The following PDE10A variants were observed in gnomAD, a reference collection of about 807,000 sequenced individuals.
PDE10A encodes cAMP and cAMP-inhibited cGMP 3',5'-cyclic phosphodiesterase 10A.
PDE10A carries 39 observed loss-of-function variants against 97.7 expected under a neutral mutation model. The ratio of observed to expected loss-of-function variants is 0.40; its 90% CI spans 0.31 to 0.52. PDE10A has a LOEUF of 0.52. PDE10A is among the 20% of genes least tolerant of loss of function. PDE10A has a pLI of 0.56. For missense variants in PDE10A, 731 were observed against 1,047.8 expected, an observed-to-expected ratio of 0.70 and a Z score of 4.17; for synonymous variants, 371 against 376.8, an observed-to-expected ratio of 0.98 and a Z score of 0.18.
rs867626425 is a variant in PDE10A at position 165,334,866 on chromosome 6, T to A, written c.3065+1257A>T. ...TAAAATTTTTAATATTGCTTATTGG[T>A]CTTTCCTTGAAAAAAGCAGAAAAAA... On this transcript the variant is annotated intron_variant, in intron 21 of 21. Transcript: ENST00000539869. 3.7e-4 allele frequency among the ~76,000 whole-genome samples: 57 copies of A among 152,240 alleles called. No homozygotes were observed. The Middle Eastern group carries it at 0.017, about 45-fold the overall frequency.
chr6:165,477,560 G>A (rs2128277920), intron 3 of PDE10A, among the ~76,000 whole-genome samples: 1 of 152,292 alleles, frequency 6.6e-6, no homozygotes, highest in African/African-American at 2.4e-5. Context: ...GAAAAATACA[G>A]TAGGTTAAGA....
chr6:165,481,675 T>C (rs141074954), intron 3 of PDE10A, among the ~76,000 whole-genome samples: 282 of 152,336 alleles, frequency 1.9e-3, no homozygotes, highest in African/African-American at 6.4e-3. Context: ...TATAATTTTA[T>C]AGCATAACCA....
chr6:165,597,235 C>T (rs905241420), intron 1 of PDE10A, among the ~76,000 whole-genome samples: 5 of 152,176 alleles, frequency 3.3e-5, no homozygotes, highest in South Asian at 2.1e-4. Flanking sequence ...AGTAGACACC[C>T]GATACCTGTT....
intron 18 of PDE10A, among the ~76,000 whole-genome samples, chr6:165,375,968 G>C (rs1432736444): frequency 6.6e-6 from 1 of 152,154 alleles, no homozygotes; most frequent in African/African-American, 2.4e-5. Flanking sequence ...CATTGACAAT[G>C]AACCAAGTCA....
At chr6:165,885,717 C>T (rs1781613470) in intron 1 of PDE10A, among the ~76,000 whole-genome samples, 1 of 152,232 alleles carries the variant, frequency 6.6e-6, no homozygotes, top group Admixed American at 6.5e-5. Flanking sequence ...GTGCGTCCTT[C>T]ACTCTTGTTT....
chr6:165,506,829 T>C (rs1341044675), intron 2 of PDE10A, among the ~76,000 whole-genome samples: 3 of 152,172 alleles, frequency 2.0e-5, no homozygotes, highest in Non-Finnish European at 2.9e-5. Context: ...TTCATTCTAG[T>C]ACACTTGAAA....
In PDE10A at chr6:165,577,677, C is replaced by G. The variant is rs1232229135; in HGVS notation, c.866-34109G>C. On this transcript the variant is annotated intron_variant, in intron 1 of 21. Transcript: ENST00000539869. ...GCCGCCTGCTATGAGTCCCTGCCTC[C>G]CAGCCACCATCCACTTCAAGACTGG... Among the ~76,000 whole-genome samples the G allele has an allele frequency of 3.9e-5, 6 of 152,310 alleles. No individual in the cohort carries two copies. In the East Asian group the frequency reaches 1.2e-3, roughly 30 times the overall value.
intron 1 of PDE10A, among the ~76,000 whole-genome samples, chr6:165,735,418 A>G (rs1232077282): frequency 6.6e-6 from 1 of 151,166 alleles, no homozygotes; most frequent in African/African-American, 2.4e-5. Flanking sequence ...ACATAGGTAG[A>G]TAGGTAGGTA....
At chr6:165,841,281 G>C (rs1422133533) in intron 1 of PDE10A, among the ~76,000 whole-genome samples, 1 of 152,214 alleles carries the variant, frequency 6.6e-6, no homozygotes, top group Non-Finnish European at 1.5e-5. Context: ...ACCTTCTCCT[G>C]CTGGGTACCC....
intron 4 of PDE10A, among the ~76,000 whole-genome samples, chr6:165,449,322 C>T (rs1022411085): frequency 2.0e-5 from 3 of 151,768 alleles, no homozygotes; most frequent in Non-Finnish European, 4.4e-5. Context: ...TTTAAAATAC[C>T]ACAAGTGATA....
At chr6:165,809,528 C>G (rs1032068413) in intron 1 of PDE10A, among the ~76,000 whole-genome samples, 3 of 152,166 alleles carry the variant, frequency 2.0e-5, no homozygotes, top group Admixed American at 6.5e-5. Context: ...ACCCCCATAC[C>G]CACACTGCAA....
intron 2 of PDE10A, among the ~76,000 whole-genome samples, chr6:165,483,483 T>C (rs1328028168): frequency 1.3e-5 from 2 of 152,236 alleles, no homozygotes; most frequent in African/African-American, 2.4e-5. Context: ...TACATTGAAG[T>C]GGCACCATAG....
chr6:165,682,632 G>A (rs1443412624), intron 1 of PDE10A, among the ~76,000 whole-genome samples: 1 of 152,076 alleles, frequency 6.6e-6, no homozygotes, highest in East Asian at 1.9e-4. Context: ...CGGAAAGCCA[G>A]CCTTCACCAG....
intron 1 of PDE10A, among the ~76,000 whole-genome samples, chr6:165,870,023 G>A (rs1210179436): frequency 1.3e-5 from 2 of 151,992 alleles, no homozygotes; most frequent in Non-Finnish European, 2.9e-5. Flanking sequence ...AACACACTTC[G>A]GGATATTGGT....
chr6:165,686,996 T>A (rs1438526712), intron 1 of PDE10A, among the ~76,000 whole-genome samples: 1 of 152,272 alleles, frequency 6.6e-6, no homozygotes, highest in African/African-American at 2.4e-5. Flanking sequence ...TCTCTTAAAT[T>A]ACTTTTCAAA....
chr6:165,661,628 A>G lies in PDE10A; in HGVS notation c.865+319T>C. 1 of 346,728 alleles carries G rather than the reference A, an allele frequency of 2.9e-6. No homozygotes were observed. The highest frequency in any genetic ancestry group is 5.2e-6 in the Non-Finnish European group (1 of 193,390). 21.5% of individuals were successfully genotyped at this position (346,728 alleles called of 1,614,324 possible). A position where few individuals can be genotyped will look rare whatever the true frequency, so the allele number is the denominator to read the frequency against. ...AAATACGCGCCGGACAAGTGTGGCC[A>G]GAAACGGCACGAGGGGCGGAGAAGG... On this transcript the variant is annotated intron_variant, in intron 1 of 21. Coordinates refer to ENST00000539869, the MANE Select transcript of PDE10A (RefSeq NM_001385079.1). This position sits in a 1 kb window ranked among gnomAD's most constrained non-coding sequence, Gnocchi z 4.8.
intron 3 of PDE10A, among the ~76,000 whole-genome samples, chr6:165,476,088 A>G (rs2128276808): frequency 6.6e-6 from 1 of 152,298 alleles, no homozygotes; most frequent in East Asian, 1.9e-4. Flanking sequence ...AATGAAGAGC[A>G]GACCTAAAAT....
intron 1 of PDE10A, among the ~76,000 whole-genome samples, chr6:165,813,372 C>A (rs1779329064): frequency 6.8e-6 from 1 of 146,800 alleles, no homozygotes; most frequent in South Asian, 2.2e-4. Context: ...TACTGAGAAC[C>A]TCATGGGAAC....
In PDE10A at chr6:165,339,305, G is replaced by A; in HGVS notation, c.2949C>T (p.Asp983=). ...GGCCTTGGGGGACTTCATCCTTCTT[G>A]TCTCTGTCCATCATAGGAATAGGCT... ...GIQPIPMMDR[D]KKDEVPQGQL... Residue 983 remains aspartate, a synonymous_variant, in exon 20 of 22, where the codon GAC becomes GAT. Transcript: ENST00000539869. 3.1e-6 allele frequency: 5 copies of A among 1,605,120 alleles called. No homozygotes were observed. The highest frequency in any genetic ancestry group is 4.3e-6 in the Non-Finnish European group (5 of 1,172,352).
Sources: gnomAD v4.1 joint callset for allele counts (sites outside exome capture counted in the v4.1 genomes callset) on GRCh38, gnomAD v4.1.1 for gene constraint, Gnocchi (gnomAD v3.1) non-coding constraint, MANE v1.5 for transcripts, NCBI Gene and HGNC (gene_info 2026-07-23, HGNC 2026-07-21) for gene names.